CCNC: variants seen among roughly 807,000 people sequenced by gnomAD.
The protein encoded by CCNC is cyclin C, also known as cyclin-C.
CCNC carries 19 observed loss-of-function variants against 50.0 expected under a neutral mutation model. The observed-to-expected ratio is 0.38, with a 90% CI of 0.27 to 0.56. The LOEUF is 0.56. Ranked by LOEUF, CCNC falls within the 20% of genes least tolerant of loss-of-function variation. The probability of loss-of-function intolerance (pLI) is 0.72; values close to 1 mark genes in which losing one functional copy is unlikely to be tolerated. For missense variants in CCNC, 200 were observed against 327.1 expected (o/e 0.61, Z 3.00); for synonymous variants, 93 against 103.7 (o/e 0.90, Z 0.63).
chr6:99,559,881 G>A (rs1051150677), intron 4 of CCNC, among the ~76,000 whole-genome samples: 7 of 151,812 alleles, frequency 4.6e-5, no homozygotes, highest in Admixed American at 6.6e-5. Context: ...CACCACATCC[G>A]GCTAATTTTT....
intron 11 of CCNC, 94 bp downstream of exon 11, chr6:99,545,018 T>A: frequency 1.6e-6 from 1 of 637,676 alleles, no homozygotes; most frequent in South Asian, 2.2e-5. Context: ...TTGGAAGAAA[T>A]GTTTTAAAAA....
At chr6:99,566,831 A>G in intron 1 of CCNC, 1 of 334,954 alleles carries the variant, frequency 3.0e-6, no homozygotes, top group Non-Finnish European at 5.9e-6. Context: ...AAAGTGTGAA[A>G]ACGTGCATCT....
intron 4 of CCNC, among the ~76,000 whole-genome samples, chr6:99,559,660 AAAT>A (rs1449589073): frequency 8.0e-6 from 1 of 125,666 alleles, no homozygotes. Context: ...GATAAAAAAA[AAAT>A]AATAATAATG....
chr6:99,549,288 C>CAAAAAAA, intron 9 of CCNC: 1 of 487,868 alleles, frequency 2.0e-6, no homozygotes. Flanking sequence ...TGAATGGTTT[C>CAAAAAAA]AAAAAAAAAA....
chr6:99,558,450 TTTC>T, intron 5 of CCNC, 44 bp downstream of exon 5: 2 of 1,602,622 alleles, frequency 1.2e-6, no homozygotes, highest in Non-Finnish European at 1.7e-6. Context: ...ACTCTGGAGC[TTTC>T]TTTAGAATTA....
chr6:99,558,153 CA>C (rs1323650122), intron 5 of CCNC: 20 of 306,470 alleles, frequency 6.5e-5, no homozygotes, highest in African/African-American at 4.1e-4. Context: ...AATATCTACC[CA>C]TAAGAATGAC....
At chr6:99,546,921 C>T (rs1351704454) in intron 9 of CCNC, among the ~76,000 whole-genome samples, 56 of 152,154 alleles carry the variant, frequency 3.7e-4, no homozygotes, top group Admixed American at 3.7e-3. Flanking sequence ...GCAGTGTTGC[C>T]TGGCCTTTTT....
At chr6:99,564,838 C>G (rs768171667) in intron 1 of CCNC, among the ~76,000 whole-genome samples, 4 of 151,990 alleles carry the variant, frequency 2.6e-5, no homozygotes, top group African/African-American at 9.7e-5. Context: ...TGATTCAAAA[C>G]GATAAAAAAC....
Position 99,543,623 on chromosome 6 carries a change from G to A in CCNC, c.798-14C>T, listed in dbSNP as rs200698099. On this transcript the variant is annotated splice_polypyrimidine_tract_variant and intron_variant, in intron 11 of 11. Coordinates refer to ENST00000520429, the MANE Select transcript of CCNC (RefSeq NM_005190.4). ...TGCTCTCCTTCACTGTTCAAATGGG[G>A]AAGAAAGAGATTTTATACCAATTAA... 5.1e-5 allele frequency: 82 copies of A among 1,612,694 alleles called. No homozygotes were observed. The highest frequency in any genetic ancestry group is 6.8e-5 in the Non-Finnish European group (80 of 1,179,198).
intron 5 of CCNC, among the ~76,000 whole-genome samples, chr6:99,554,340 CT>C (rs35530956): frequency 6.6e-6 from 1 of 152,106 alleles, no homozygotes; most frequent in Admixed American, 6.5e-5. Flanking sequence ...GTAAAGTTAC[CT>C]TTTTCCTCCC....
Position 99,549,533 on chromosome 6 carries a change from C to T in CCNC, c.573G>A (p.Leu191=). 6.2e-7 allele frequency: 1 copy of T among 1,607,158 alleles called. No homozygotes were observed. Among genetic ancestry groups the T allele is most frequent in the Non-Finnish European group, 8.5e-7 (1 of 1,174,152 alleles). The change falls in exon 9 of 12, where the codon CTG becomes CTA. Residue 191 remains leucine, a synonymous_variant. Transcript: ENST00000520429. ...NDTYRTDLCL[L]YPPFMIALAC... ...CTAAAGCTATCATGAAAGGAGGATA[C>T]AGTAGGCAAAGATCCGTTCTGTAGG... is the stretch of plus-strand genomic sequence containing the variant.
upstream of CCNC, chr6:99,568,794 G>A: frequency 9.2e-7 from 1 of 1,082,942 alleles, no homozygotes; most frequent in South Asian, 1.9e-5. Context: ...GCTGACCCTT[G>A]GAGGTGCTGA....
intron 5 of CCNC, among the ~76,000 whole-genome samples, chr6:99,554,620 T>C (rs1583578271): frequency 6.6e-6 from 1 of 152,234 alleles, no homozygotes; most frequent in Non-Finnish European, 1.5e-5. Flanking sequence ...CTCTCTTAGT[T>C]AGCTCCTATA....
chr6:99,545,447 A>T (rs1050461653), intron 10 of CCNC, among the ~76,000 whole-genome samples: 16 of 152,136 alleles, frequency 1.1e-4, no homozygotes, highest in Non-Finnish European at 1.6e-4. Context: ...ATTCTTATCT[A>T]TCTCTGCAGC....
chr6:99,550,809 A>T, intron 7 of CCNC, 184 bp downstream of exon 7: 1 of 307,464 alleles, frequency 3.3e-6, no homozygotes, highest in Non-Finnish European at 6.1e-6. Flanking sequence ...TAGGATATAC[A>T]AATTATTTTA....
intron 3 of CCNC, 75 bp from the exon 4 acceptor site, chr6:99,561,511 T>C (rs1802778379): frequency 1.5e-6 from 2 of 1,343,486 alleles, no homozygotes; most frequent in Non-Finnish European, 2.1e-6. Context: ...GATAACTCTA[T>C]GGTAGACACA....
At chr6:99,545,974 CTTT>C (rs869104330) in intron 10 of CCNC, among the ~76,000 whole-genome samples, 1 of 146,946 alleles carries the variant, frequency 6.8e-6, no homozygotes, top group Non-Finnish European at 1.5e-5. Context: ...TCCTACCAAA[CTTT>C]TTTTTTTTTT....
chr6:99,564,731 AAT>A (rs2114417674), intron 1 of CCNC, among the ~76,000 whole-genome samples: 1 of 152,220 alleles, frequency 6.6e-6, no homozygotes, highest in South Asian at 2.1e-4. Context: ...CCCAAGTTTA[AAT>A]ATCTCTCAGT....
intron 5 of CCNC, among the ~76,000 whole-genome samples, chr6:99,552,224 G>A (rs1484854048): frequency 2.6e-5 from 4 of 152,024 alleles, no homozygotes; most frequent in African/African-American, 4.8e-5. Flanking sequence ...CTGTTTTCCA[G>A]TGACTGAGCT....
Sources: gnomAD v4.1 joint callset for allele counts (sites outside exome capture counted in the v4.1 genomes callset) on GRCh38, gnomAD v4.1.1 for gene constraint, MANE v1.5 for transcripts, NCBI Gene and HGNC (gene_info 2026-07-23, HGNC 2026-07-21) for gene names.